Variants in SAMD12 observed in about 807,000 individuals in gnomAD.
SAMD12 encodes sterile alpha motif domain containing 12, also known as sterile alpha motif domain-containing protein 12.
SAMD12 carries 9 observed loss-of-function variants against 15.0 expected under a neutral mutation model. The observed-to-expected ratio is 0.60, with a 90% CI of 0.36 to 1.05. SAMD12 has a LOEUF of 1.05. Ranked by LOEUF, SAMD12 falls within the 50% of genes least tolerant of loss-of-function variation. The probability of loss-of-function intolerance (pLI) is 0.01; values close to 1 mark genes in which losing one functional copy is unlikely to be tolerated. For synonymous variants in SAMD12, 86 were observed against 90.1 expected (o/e 0.96, Z 0.25); for missense variants, 230 against 234.2 (o/e 0.98, Z 0.12).
chr8:118,279,694 T>C (rs1813563402), intron 4 of SAMD12, among the ~76,000 whole-genome samples: 2 of 152,260 alleles, frequency 1.3e-5, no homozygotes, highest in South Asian at 4.1e-4. Context: ...GTGCTTTATA[T>C]GCATAAGAGG....
chr8:118,147,330 G>A, the SAMD12 span, among the ~76,000 whole-genome samples: 702 of 151,112 alleles, frequency 4.6e-3, 4 homozygotes, highest in African/African-American at 0.016. Context: ...CAGCCAGCAG[G>A]AACTATTAAT....
chr8:118,538,563 A>C (rs969545871), intron 2 of SAMD12, among the ~76,000 whole-genome samples: 2 of 152,032 alleles, frequency 1.3e-5, no homozygotes, highest in African/African-American at 4.8e-5. Flanking sequence ...AAAGTCCCAC[A>C]ATCACTGTGC....
the SAMD12 span, among the ~76,000 whole-genome samples, chr8:118,161,048 G>GT: frequency 2.6e-5 from 4 of 152,020 alleles, no homozygotes; most frequent in African/African-American, 7.2e-5. Flanking sequence ...GCGGTGTTTG[G>GT]TTTTTTGTCC....
chr8:118,614,380 C>T (rs1266866679), intron 1 of SAMD12, among the ~76,000 whole-genome samples: 1 of 152,236 alleles, frequency 6.6e-6, no homozygotes, highest in East Asian at 1.9e-4. Context: ...TACCCAGGCA[C>T]TCAGCAGGTC....
At chr8:118,303,886 A>T (rs564070713) in intron 4 of SAMD12, among the ~76,000 whole-genome samples, 1 of 152,338 alleles carries the variant, frequency 6.6e-6, no homozygotes, top group South Asian at 2.1e-4. Context: ...GGTCTTAGCC[A>T]AGCAGGCAAT....
chr8:118,390,627 C>T (rs1002234368), intron 3 of SAMD12, among the ~76,000 whole-genome samples: 2 of 152,136 alleles, frequency 1.3e-5, no homozygotes, highest in African/African-American at 4.8e-5. Context: ...CAACCCATTG[C>T]CTCATTTCCT....
At chr8:118,513,630 C>T (rs966755434) in intron 2 of SAMD12, among the ~76,000 whole-genome samples, 18 of 152,158 alleles carry the variant, frequency 1.2e-4, no homozygotes, top group Admixed American at 9.2e-4. Flanking sequence ...TAAGAAAATG[C>T]CCCTAAGGCA....
intron 4 of SAMD12, among the ~76,000 whole-genome samples, chr8:118,351,389 C>G (rs575129884): frequency 5.3e-5 from 8 of 152,062 alleles, no homozygotes; most frequent in Non-Finnish European, 1.2e-4. Context: ...GGATGGGAAG[C>G]GGCAGAACCT....
chr8:118,512,044 AT>A (rs144661457), intron 2 of SAMD12, among the ~76,000 whole-genome samples: 33,398 of 150,254 alleles, frequency 0.22, 3,914 homozygotes, highest in South Asian at 0.42. Context: ...TATAAAGAAC[AT>A]TTTTTTTTTC....
intron 4 of SAMD12, among the ~76,000 whole-genome samples, chr8:118,339,555 C>T (rs1019600314): frequency 2.6e-5 from 4 of 152,164 alleles, no homozygotes; most frequent in African/African-American, 7.2e-5. Context: ...TGGCTGCCGC[C>T]GCAGCTCTGA....
intron 2 of SAMD12, among the ~76,000 whole-genome samples, chr8:118,515,269 G>A (rs970850766): frequency 7.1e-6 from 1 of 140,986 alleles, no homozygotes; most frequent in Admixed American, 7.9e-5. Flanking sequence ...TCCTGATCTC[G>A]TGATCCGCCC....
intron 3 of SAMD12, among the ~76,000 whole-genome samples, chr8:118,433,490 C>T (rs1046096846): frequency 1.3e-5 from 2 of 150,564 alleles, no homozygotes; most frequent in Non-Finnish European, 2.9e-5. Context: ...GAATTCTTTT[C>T]CCCTGAATCA....
In SAMD12 at chr8:118,423,854, C is replaced by T. The variant is rs143270727; in HGVS notation, c.322+15978G>A. Among the ~76,000 whole-genome samples, 663 of 152,096 alleles carry T rather than the reference C, an allele frequency of 4.4e-3. 2 individuals carry two copies. The highest frequency in any genetic ancestry group is 0.014 in the African/African-American group (584 of 41,508). The stretch of plus-strand genomic sequence containing the variant: ...TGTGAAGATAAAATTAAACAATATA[C>T]GAAAAATACTTCCTCGATTGCCTGG... On this transcript the variant is annotated intron_variant, in intron 3 of 3. Coordinates refer to ENST00000314727, the MANE Select transcript of SAMD12 (RefSeq NM_207506.3).
intron 3 of SAMD12, chr8:118,400,223 T>C (rs190413197): frequency 6.6e-6 from 1 of 152,316 alleles, no homozygotes; most frequent in East Asian, 1.9e-4. Context: ...TCGACACGAA[T>C]TATCCCATCA....
intron 2 of SAMD12, among the ~76,000 whole-genome samples, chr8:118,543,595 C>A (rs1216692699): frequency 2.8e-5 from 4 of 145,014 alleles, no homozygotes; most frequent in African/African-American, 8.2e-5. Flanking sequence ...TTTCTTAAAA[C>A]ATTATGAGAT....
At chr8:118,376,876 T>C (rs1417129806), downstream of SAMD12, among the ~76,000 whole-genome samples, 4 of 152,204 alleles carry the variant, frequency 2.6e-5, no homozygotes, top group Non-Finnish European at 5.9e-5. Flanking sequence ...CTATATGATA[T>C]ATATTTTAAA....
At chr8:118,219,256 A>C (rs1418649770) in intron 4 of SAMD12, among the ~76,000 whole-genome samples, 1 of 152,214 alleles carries the variant, frequency 6.6e-6, no homozygotes, top group Non-Finnish European at 1.5e-5. Flanking sequence ...TTCTGTTCAC[A>C]TCTAGACGCA....
intron 4 of SAMD12, among the ~76,000 whole-genome samples, chr8:118,273,141 C>T (rs1454570556): frequency 6.6e-6 from 1 of 152,206 alleles, no homozygotes; most frequent in Admixed American, 6.5e-5. Context: ...ACTCACAGTT[C>T]AGCATGCTGG....
chr8:118,483,250 C>T (rs1042895969), intron 2 of SAMD12, among the ~76,000 whole-genome samples: 11 of 152,258 alleles, frequency 7.2e-5, no homozygotes, highest in Middle Eastern at 3.4e-3. Flanking sequence ...AAAACACAAA[C>T]CATCAGCAGC....
Sources: gnomAD v4.1 joint callset for allele counts (sites outside exome capture counted in the v4.1 genomes callset) on GRCh38, gnomAD v4.1.1 for gene constraint, MANE v1.5 for transcripts, NCBI Gene and HGNC (gene_info 2026-07-23, HGNC 2026-07-21) for gene names.